The following P2RY2 variants were observed in gnomAD, a reference collection of about 807,000 sequenced individuals.
The protein encoded by P2RY2 is P2Y purinoceptor 2.
For synonymous variants in P2RY2, 241 were observed against 231.9 expected (o/e 1.04, Z -0.35); for missense variants, 567 against 515.7 (o/e 1.10, Z -0.96).
intron 2 of P2RY2, among the ~76,000 whole-genome samples, chr11:73,228,812 A>G (rs1335745003): frequency 6.6e-6 from 1 of 152,190 alleles, no homozygotes; most frequent in Non-Finnish European, 1.5e-5. Flanking sequence ...GTAATTTGTA[A>G]GTAACTTGAT....
intron 2 of P2RY2, among the ~76,000 whole-genome samples, chr11:73,228,917 A>G (rs1862364698): frequency 6.6e-6 from 1 of 152,152 alleles, no homozygotes; most frequent in South Asian, 2.1e-4. Flanking sequence ...CTCCCTGTTT[A>G]TGGGAGTGTG....
rs376855714 is a variant in P2RY2, at chr11:73,234,766, C to T, written c.607C>T (p.Leu203=). 1 of 1,611,586 alleles carries T rather than the reference C, an allele frequency of 6.2e-7. No homozygotes were observed. The highest frequency in any genetic ancestry group is 8.5e-7 in the Non-Finnish European group (1 of 1,179,952). ...SRFVAYSSVM[L]GLLFAVPFAV... The stretch of plus-strand genomic sequence containing the variant: ...CTTCGTGGCCTACAGCTCAGTCATG[C>T]TGGGCCTGCTCTTCGCGGTGCCCTT... The change falls in exon 3 of 3, where the codon CTG becomes TTG. Residue 203 remains leucine (L), a synonymous_variant. Coordinates refer to ENST00000393597, the MANE Select transcript of P2RY2 (RefSeq NM_002564.4).
At chr11:73,227,346 C>CTGTGTG (rs145168039) in intron 1 of P2RY2, among the ~76,000 whole-genome samples, 1 of 149,756 alleles carries the variant, frequency 6.7e-6, no homozygotes, top group Admixed American at 6.7e-5. Flanking sequence ...ATGGTCTAGA[C>CTGTGTG]TGTGTGTGTG....
chr11:73,241,981 C>CT lies in P2RY2; in HGVS notation c.*6689dup, dbSNP rs1012011613. On this transcript the variant is annotated 3_prime_UTR_variant, in exon 3 of 3. Transcript: ENST00000393597. The stretch of plus-strand genomic sequence containing the variant: ...CACACCCTGCTGGGGATGTGGAAGC[C>CT]TGTCCCCCTCCCACCCCACACCCCA... 1.3e-5 allele frequency: 2 copies of CT among 152,258 alleles called. No individual in the cohort carries two copies. Among genetic ancestry groups the CT allele is most frequent in the African/African-American group, 4.8e-5 (2 of 41,422 alleles). The allele number at this position is 152,258 out of a possible 1,614,324, so 9.4% of individuals were successfully genotyped here.
Position 73,237,384 on chromosome 11 carries a change from A to C in P2RY2, c.*2091A>C, listed in dbSNP as rs1187740706. ...TGCCTCAGTTTCCCAAGTAGCTGGG[A>C]TTACAGGTATGCGCCACCACACCTG... is the stretch of plus-strand genomic sequence containing the variant. On this transcript the variant is annotated 3_prime_UTR_variant, in exon 3 of 3. Coordinates refer to ENST00000393597, the MANE Select transcript of P2RY2 (RefSeq NM_002564.4). Among the ~76,000 whole-genome samples the C allele has an allele frequency of 1.3e-5, 2 of 151,978 alleles. No individual in the cohort carries two copies. Among genetic ancestry groups the C allele is most frequent in the Non-Finnish European group, 2.9e-5 (2 of 67,990 alleles).
intron 1 of P2RY2, among the ~76,000 whole-genome samples, chr11:73,220,693 C>T (rs1862092470): frequency 6.6e-6 from 1 of 152,214 alleles, no homozygotes; most frequent in Non-Finnish European, 1.5e-5. Context: ...TTCTCCTCTT[C>T]TCCCTGCCTT....
intron 2 of P2RY2, 121 bp from the exon 3 acceptor site, chr11:73,234,035 G>A (rs1862537303): frequency 2.5e-6 from 3 of 1,194,378 alleles, no homozygotes; most frequent in Non-Finnish European, 3.4e-6. Flanking sequence ...CCAGAGCTTG[G>A]AGGTTCCAGG....
At position 73,234,858 on chromosome 11, in the gene P2RY2, G is replaced by T. The variant is rs367687158; in HGVS notation, c.699G>T (p.Ser233=). 3 of 1,610,460 alleles carry T rather than the reference G, an allele frequency of 1.9e-6. No individual in the cohort carries two copies. The highest frequency in any genetic ancestry group is 1.7e-6 in the Non-Finnish European group (2 of 1,179,964). ...RRLLKPAYGT[S]GGLPRAKRKS... is the part of the protein sequence containing the mutation. ...TGCTAAAGCCAGCCTACGGGACCTC[G>T]GGCGGCCTGCCTAGGGCCAAGCGCA... Residue 233 remains serine, a synonymous_variant, in exon 3 of 3, where the codon TCG becomes TCT. Transcript: ENST00000393597.
rs1329571494 is a variant in P2RY2 at position 73,240,782 on chromosome 11, C to G, written c.*5489C>G. ...CTGGGATGGGCACCTGGGATAGCAG[C>G]CCAAGTGGTGTGGGTGGAGAGGTGC... On this transcript the variant is annotated 3_prime_UTR_variant, in exon 3 of 3. Coordinates refer to ENST00000393597, the MANE Select transcript of P2RY2 (RefSeq NM_002564.4). 1 of 152,358 alleles carries G rather than the reference C, an allele frequency of 6.6e-6. No homozygotes were observed. The highest frequency in any genetic ancestry group is 1.5e-5 in the Non-Finnish European group (1 of 68,156). The allele number at this position is 152,358 out of a possible 1,614,324, so 9.4% of individuals were successfully genotyped here.
intron 1 of P2RY2, among the ~76,000 whole-genome samples, chr11:73,226,263 A>G (rs1197879070): frequency 6.6e-6 from 1 of 152,118 alleles, no homozygotes; most frequent in African/African-American, 2.4e-5. Flanking sequence ...AGAAATGAGA[A>G]CCACTTGTGG....
Position 73,236,669 on chromosome 11 carries a change from C to T in P2RY2, c.*1376C>T. 2.0e-6 allele frequency: 2 copies of T among 985,344 alleles called. No individual in the cohort carries two copies. The highest frequency in any genetic ancestry group is 2.4e-6 in the Non-Finnish European group (2 of 829,908). The allele number at this position is 985,344 out of a possible 1,614,324, so 61.0% of individuals were successfully genotyped here. On this transcript the variant is annotated 3_prime_UTR_variant, in exon 3 of 3. Transcript: ENST00000393597. ...GGCCAAGTTAGGGCTCCCTCCTTGC[C>T]CTGACCCTGAGGCTTCCTTTGCACT...
At position 73,235,504 on chromosome 11, in the gene P2RY2, G is replaced by A; in HGVS notation, c.*211G>A. ...CCCTAGTCATCGTTTGTGTGTATAAGTTGGGGGAATTAAGTTTCAAGAAAG... is the reference window on the plus strand; with the variant it reads ...CCCTAGTCATCGTTTGTGTGTATAAATTGGGGGAATTAAGTTTCAAGAAAG... On this transcript the variant is annotated 3_prime_UTR_variant, in exon 3 of 3. Transcript: ENST00000393597. The A allele has an allele frequency of 7.7e-7, 1 of 1,295,712 alleles. No individual in the cohort carries two copies. Among genetic ancestry groups the A allele is most frequent in the Non-Finnish European group, 9.8e-7 (1 of 1,017,700 alleles). The allele number at this position is 1,295,712 out of a possible 1,614,324, so 80.3% of individuals were successfully genotyped here.
At chr11:73,230,204 C>T (rs1464996274) in intron 2 of P2RY2, among the ~76,000 whole-genome samples, 2 of 152,102 alleles carry the variant, frequency 1.3e-5, no homozygotes. Context: ...GGGACCCAGC[C>T]TGTGCCCATC....
intron 2 of P2RY2, among the ~76,000 whole-genome samples, chr11:73,229,811 A>G (rs1862395255): frequency 6.6e-6 from 1 of 152,076 alleles, no homozygotes; most frequent in Admixed American, 6.5e-5. Context: ...AAGGGAAGTC[A>G]GGCCTCGGCA....
intron 1 of P2RY2, among the ~76,000 whole-genome samples, chr11:73,223,808 G>C (rs546505354): frequency 6.6e-6 from 1 of 152,334 alleles, no homozygotes; most frequent in Admixed American, 6.5e-5. Context: ...GGTGAGATGG[G>C]TGGTTTGGGG....
At chr11:73,225,078 C>A (rs1023150260) in intron 1 of P2RY2, among the ~76,000 whole-genome samples, 1 of 152,202 alleles carries the variant, frequency 6.6e-6, no homozygotes, top group Non-Finnish European at 1.5e-5. Context: ...CAGCACCCAA[C>A]TCCTGGCAGA....
intron 2 of P2RY2, among the ~76,000 whole-genome samples, chr11:73,231,392 CAAAA>C (rs201697252): frequency 1.4e-4 from 16 of 110,492 alleles, no homozygotes; most frequent in Admixed American, 1.8e-4. Flanking sequence ...CTAAAAAATA[CAAAA>C]AAAAAAAAAA....
chr11:73,234,435 C>T lies in P2RY2; in HGVS notation c.276C>T (p.Tyr92=), dbSNP rs1862557227. Reference sequence around the variant, plus strand: ...CCTCCCTGCCGCTGCTGGTCTATTACTACGCCCGCGGCGACCACTGGCCCT... The same window carrying T: ...CCTCCCTGCCGCTGCTGGTCTATTATTACGCCCGCGGCGACCACTGGCCCT... ...YAASLPLLVY[Y]YARGDHWPFS... Residue 92 remains tyrosine (Y), a synonymous_variant, in exon 3 of 3, where the codon TAC becomes TAT. Transcript: ENST00000393597. 1.2e-6 allele frequency: 2 copies of T among 1,614,148 alleles called. No individual in the cohort carries two copies. Among genetic ancestry groups the T allele is most frequent in the Non-Finnish European group, 8.5e-7 (1 of 1,180,026 alleles).
chr11:73,224,666 T>C (rs113923356), intron 1 of P2RY2, among the ~76,000 whole-genome samples: 5 of 152,308 alleles, frequency 3.3e-5, no homozygotes, highest in African/African-American at 9.6e-5. Context: ...TGGCTTCTGC[T>C]GGGGAATCCC....
Sources: allele counts gnomAD v4.1 joint callset (sites outside exome capture counted in the v4.1 genomes callset), GRCh38; gene constraint gnomAD v4.1.1; transcripts MANE v1.5; gene names NCBI Gene and HGNC (gene_info 2026-07-23, HGNC 2026-07-21).